Variants in KAT2B observed in about 807,000 individuals in gnomAD.
The protein encoded by KAT2B is lysine acetyltransferase 2B, also known as histone acetyltransferase KAT2B.
A neutral mutation model predicts 105.9 loss-of-function variants in KAT2B; 36 were observed. The observed-to-expected ratio is 0.34, with a 90% CI of 0.26 to 0.45. The LOEUF is 0.45. Ranked by LOEUF, KAT2B falls within the 20% of genes least tolerant of loss-of-function variation. The pLI is 1.00. For synonymous variants in KAT2B, 397 were observed against 377.9 expected (o/e 1.05, Z -0.59); for missense variants, 820 against 1,021.6 (o/e 0.80, Z 2.69).
At chr3:20,095,195 A>G in intron 2 of KAT2B, 68 bp from the exon 3 acceptor site, 1 of 1,304,064 alleles carries the variant, frequency 7.7e-7, no homozygotes, top group Non-Finnish European at 1.1e-6. Flanking sequence ...AGGACCTTCC[A>G]CTTAAAAATG....
rs3749182 is a variant in KAT2B at position 20,072,093 on chromosome 3, C to T, written c.304-240C>T. The stretch of plus-strand genomic sequence containing the variant: ...AATGGTAGCAAAGTGTGTGGGTCAG[C>T]TGCGTGAGCTGTAGCATGCAGATTC... On this transcript the variant is annotated intron_variant, in intron 1 of 17. Transcript: ENST00000263754. Among the ~76,000 whole-genome samples the T allele has an allele frequency of 6.5e-4, 99 of 152,294 alleles. 1 individual carries two copies. The East Asian group carries it at 0.017, about 27-fold the overall frequency.
At chr3:20,113,489 T>G (rs762935449) in intron 6 of KAT2B, among the ~76,000 whole-genome samples, 2 of 152,238 alleles carry the variant, frequency 1.3e-5, no homozygotes, top group African/African-American at 2.4e-5. Flanking sequence ...CCCATAGTTC[T>G]GGCATGCTTA....
rs553879350 is a variant in KAT2B, at chr3:20,092,270, C to G, written c.431-2993C>G. Among the ~76,000 whole-genome samples the G allele has an allele frequency of 4.1e-3, 501 of 123,278 alleles. 4 individuals carry two copies. The highest frequency in any genetic ancestry group is 0.015 in the African/African-American group (485 of 33,258). 80.9% of individuals were successfully genotyped at this position (123,278 alleles called of 152,430 possible). A position where few individuals can be genotyped will look rare whatever the true frequency, so the allele number is the denominator to read the frequency against. On this transcript the variant is annotated intron_variant, in intron 2 of 17. Transcript: ENST00000263754. ...TTGAGATGGAGTGTTGCTCTGTTGC[C>G]TAGGCTGGAGTGCAGTGGCATGATC...
rs184700295 is a variant in KAT2B at position 20,078,461 on chromosome 3, C to T, written c.430+6002C>T. 3.5e-3 allele frequency among the ~76,000 whole-genome samples: 535 copies of T among 152,118 alleles called. 2 individuals are homozygous for T. Among genetic ancestry groups the T allele is most frequent in the African/African-American group, 0.013 (522 of 41,512 alleles). ...GATCTCAGCTTACTGCAACCTCCCC[C>T]TCTTGGGCTCAAGCGATCCTTTCAC... On this transcript the variant is annotated intron_variant, in intron 2 of 17. Transcript: ENST00000263754.
intron 1 of KAT2B, among the ~76,000 whole-genome samples, chr3:20,070,806 C>G (rs1020764844): frequency 6.6e-6 from 1 of 151,152 alleles, no homozygotes; most frequent in African/African-American, 2.4e-5. Flanking sequence ...GTCAGGAGGT[C>G]GAGACCAGCC....
chr3:20,079,176 C>T (rs1698474527), intron 2 of KAT2B, among the ~76,000 whole-genome samples: 3 of 148,442 alleles, frequency 2.0e-5, no homozygotes, highest in Admixed American at 6.8e-5. Context: ...GCTGGGATTA[C>T]AGGCATGAGC....
intron 1 of KAT2B, among the ~76,000 whole-genome samples, chr3:20,042,082 C>T (rs925257806): frequency 2.6e-5 from 4 of 152,094 alleles, no homozygotes; most frequent in Non-Finnish European, 5.9e-5. Context: ...ATGGGAATCT[C>T]CTGGGGAAGC....
At chr3:20,106,583 A>T (rs192805727) in intron 5 of KAT2B, among the ~76,000 whole-genome samples, 209 of 152,304 alleles carry the variant, frequency 1.4e-3, no homozygotes, top group African/African-American at 4.7e-3. Context: ...TGAAAAGTAT[A>T]AATTGAGGTC....
At chr3:20,149,843 CTT>C (rs553151596) in intron 17 of KAT2B, among the ~76,000 whole-genome samples, 4 of 152,310 alleles carry the variant, frequency 2.6e-5, no homozygotes, top group South Asian at 4.1e-4. Flanking sequence ...TGTTAAAACT[CTT>C]TGTGTCCATT....
At chr3:20,062,401 A>T (rs1387744975) in intron 1 of KAT2B, among the ~76,000 whole-genome samples, 1 of 91,382 alleles carries the variant, frequency 1.1e-5, no homozygotes, top group Non-Finnish European at 2.0e-5. Context: ...AATAAATTAT[A>T]TATTATATAT....
At chr3:20,147,464 G>A (rs947525524) in intron 14 of KAT2B, among the ~76,000 whole-genome samples, 1 of 151,994 alleles carries the variant, frequency 6.6e-6, no homozygotes, top group African/African-American at 2.4e-5. Flanking sequence ...CTTATTTAGG[G>A]TGAGTTACCT....
intron 5 of KAT2B, among the ~76,000 whole-genome samples, chr3:20,106,983 A>G (rs1266169331): frequency 0.011 from 72 of 6,294 alleles, no homozygotes; most frequent in Non-Finnish European, 0.015. Flanking sequence ...ATATATGTAT[A>G]TATATATATA....
chr3:20,059,758 A>G (rs1698068141), intron 1 of KAT2B, among the ~76,000 whole-genome samples: 1 of 152,156 alleles, frequency 6.6e-6, no homozygotes, highest in Non-Finnish European at 1.5e-5. Flanking sequence ...TAGGTACCAT[A>G]ATATTCTCTA....
At chr3:20,148,343 T>C in intron 16 of KAT2B, 37 bp downstream of exon 16, 1 of 1,610,698 alleles carries the variant, frequency 6.2e-7, no homozygotes, top group Non-Finnish European at 8.5e-7. Flanking sequence ...GCAAATATTT[T>C]GAAATGATTT....
At chr3:20,138,197 G>A (rs1272168005) in intron 12 of KAT2B, among the ~76,000 whole-genome samples, 1 of 152,038 alleles carries the variant, frequency 6.6e-6, no homozygotes, top group African/African-American at 2.4e-5. Flanking sequence ...TTAATGCTTT[G>A]ATTTTTTTAT....
intron 6 of KAT2B, among the ~76,000 whole-genome samples, chr3:20,113,722 G>A (rs571339163): frequency 3.9e-5 from 6 of 152,248 alleles, no homozygotes; most frequent in Admixed American, 6.5e-5. Context: ...AGCTGGGACC[G>A]GCTTCCCAGC....
At chr3:20,095,507 A>C in intron 3 of KAT2B, 99 bp downstream of exon 3, 1 of 737,232 alleles carries the variant, frequency 1.4e-6, no homozygotes, top group South Asian at 1.9e-5. Context: ...AGCTCCTGGT[A>C]CATTTTGCCC....
intron 1 of KAT2B, among the ~76,000 whole-genome samples, chr3:20,064,359 A>G (rs1698190019): frequency 6.6e-6 from 1 of 152,200 alleles, no homozygotes; most frequent in African/African-American, 2.4e-5. Context: ...AGAACATTCA[A>G]AATCCTCTCT....
intron 5 of KAT2B, among the ~76,000 whole-genome samples, chr3:20,104,366 C>T (rs1172226689): frequency 6.6e-6 from 1 of 152,130 alleles, no homozygotes; most frequent in Non-Finnish European, 1.5e-5. Context: ...CAACCTCCCC[C>T]ACGTCCCCAC....
Sources: gnomAD v4.1 joint callset for allele counts (sites outside exome capture counted in the v4.1 genomes callset) on GRCh38, gnomAD v4.1.1 for gene constraint, MANE v1.5 for transcripts, NCBI Gene and HGNC (gene_info 2026-07-23, HGNC 2026-07-21) for gene names.